Variants in B3GALT1 observed in about 807,000 individuals in gnomAD.
B3GALT1 encodes beta-1,3-galactosyltransferase 1, also known as UDP-Gal:betaGlcNAc beta 1,3-galactosyltransferase, polypeptide 1.
In B3GALT1, 10 loss-of-function variants were observed where a neutral mutation model predicts 23.2. The ratio of observed to expected loss-of-function variants is 0.43; its 90% CI spans 0.27 to 0.73. The LOEUF is 0.73. B3GALT1 is among the 30% of genes least tolerant of loss of function. B3GALT1 has a pLI of 0.21. For synonymous variants in B3GALT1, 156 were observed against 141.5 expected, an observed-to-expected ratio of 1.10 and a Z score of -0.73; for missense variants, 299 against 405.4, an observed-to-expected ratio of 0.74 and a Z score of 2.25.
chr2:167,671,394 T>G (rs1434801688), intron 3 of B3GALT1, among the ~76,000 whole-genome samples: 1 of 152,138 alleles, frequency 6.6e-6, no homozygotes, highest in Non-Finnish European at 1.5e-5. Context: ...ATTCTCCTGT[T>G]TAGATCATAT....
At chr2:167,668,979 G>C (rs1686269706) in intron 3 of B3GALT1, among the ~76,000 whole-genome samples, 2 of 152,100 alleles carry the variant, frequency 1.3e-5, no homozygotes, top group Non-Finnish European at 2.9e-5. Context: ...ATTCTCTAAT[G>C]TCACTTTCCA....
In B3GALT1 at chr2:167,310,934, A is replaced by G. The variant is rs187530277; in HGVS notation, c.-511+17600A>G. On this transcript the variant is annotated intron_variant, in intron 1 of 4. Transcript: ENST00000392690. ...CAACATTTTATATAAGGACAGTGGC[A>G]GAAACTAAGGTGCTGTGGACTGATT... Among the ~76,000 whole-genome samples, 97 of 152,214 alleles carry G rather than the reference A, an allele frequency of 6.4e-4. 2 individuals are homozygous for G. In the East Asian group the frequency reaches 0.017, roughly 26 times the overall value.
intron 1 of B3GALT1, among the ~76,000 whole-genome samples, chr2:167,432,834 C>G (rs746276526): frequency 1.3e-5 from 2 of 152,090 alleles, no homozygotes; most frequent in African/African-American, 2.4e-5. Context: ...TCCTGCATAC[C>G]CTGGTCCCCA....
At chr2:167,397,237 C>G (rs949918380) in intron 1 of B3GALT1, among the ~76,000 whole-genome samples, 1 of 151,408 alleles carries the variant, frequency 6.6e-6, no homozygotes, top group South Asian at 2.1e-4. Context: ...TCCTTTCTTC[C>G]CTCCTTTCCA....
At chr2:167,747,984 A>G (rs1687677655) in intron 3 of B3GALT1, among the ~76,000 whole-genome samples, 1 of 152,184 alleles carries the variant, frequency 6.6e-6, no homozygotes, top group East Asian at 1.9e-4. Context: ...TCCTCTTCTT[A>G]CATTTAGTAA....
At chr2:167,684,145 A>G (rs1379025832) in intron 3 of B3GALT1, among the ~76,000 whole-genome samples, 5 of 152,182 alleles carry the variant, frequency 3.3e-5, no homozygotes, top group Non-Finnish European at 5.9e-5. Context: ...CCATTTAACT[A>G]TGAGTTCTTG....
At chr2:167,469,390 A>G (rs953549664) in intron 1 of B3GALT1, among the ~76,000 whole-genome samples, 1 of 152,224 alleles carries the variant, frequency 6.6e-6, no homozygotes, top group Non-Finnish European at 1.5e-5. Context: ...CTGACACATA[A>G]GTGGTATGCA....
At chr2:167,582,808 A>G (rs1437256520) in intron 2 of B3GALT1, among the ~76,000 whole-genome samples, 1 of 152,132 alleles carries the variant, frequency 6.6e-6, no homozygotes, top group Non-Finnish European at 1.5e-5. Flanking sequence ...GATGTAATCC[A>G]CGGTTTAACC....
At chr2:167,819,866 G>T (rs1689070522) in intron 4 of B3GALT1, among the ~76,000 whole-genome samples, 1 of 152,178 alleles carries the variant, frequency 6.6e-6, no homozygotes, top group African/African-American at 2.4e-5. Flanking sequence ...ACAGCCTTTG[G>T]AGATTTCTCT....
intron 3 of B3GALT1, among the ~76,000 whole-genome samples, chr2:167,667,261 G>T (rs1686216294): frequency 6.6e-6 from 1 of 152,102 alleles, no homozygotes. Context: ...TTTTCTTTAA[G>T]AATGTTGAAT....
intron 3 of B3GALT1, among the ~76,000 whole-genome samples, chr2:167,786,066 A>G (rs1207245753): frequency 6.6e-6 from 1 of 152,214 alleles, no homozygotes; most frequent in African/African-American, 2.4e-5. Flanking sequence ...CACTATAGCT[A>G]TTAAATCAAC....
intron 2 of B3GALT1, among the ~76,000 whole-genome samples, chr2:167,558,620 C>A (rs971177617): frequency 6.6e-6 from 1 of 152,186 alleles, no homozygotes; most frequent in Non-Finnish European, 1.5e-5. Context: ...TGCGCTTTTC[C>A]GACGGGCTTA....
intron 1 of B3GALT1, among the ~76,000 whole-genome samples, chr2:167,477,139 A>G (rs1249433165): frequency 6.6e-6 from 1 of 152,200 alleles, no homozygotes; most frequent in Non-Finnish European, 1.5e-5. Context: ...ACTTATAAGC[A>G]TATGTGCTTT....
intron 2 of B3GALT1, among the ~76,000 whole-genome samples, chr2:167,631,784 T>C (rs1685452153): frequency 6.6e-6 from 1 of 150,458 alleles, no homozygotes; most frequent in African/African-American, 2.4e-5. Flanking sequence ...TTTTTTTTTT[T>C]TTTTACTTAA....
chr2:167,429,019 C>CCT (rs1698665804), intron 1 of B3GALT1, among the ~76,000 whole-genome samples: 1 of 152,108 alleles, frequency 6.6e-6, no homozygotes, highest in African/African-American at 2.4e-5. Flanking sequence ...GTGGCTCACG[C>CCT]CTGTAATCCC....
At chr2:167,517,808 G>A (rs895257207) in intron 2 of B3GALT1, among the ~76,000 whole-genome samples, 2 of 152,060 alleles carry the variant, frequency 1.3e-5, no homozygotes, top group Non-Finnish European at 2.9e-5. Context: ...CAGTGCTGGA[G>A]TTGTATGAGC....
intron 4 of B3GALT1, among the ~76,000 whole-genome samples, chr2:167,833,369 A>G (rs770413290): frequency 2.2e-4 from 34 of 152,198 alleles, no homozygotes; most frequent in Non-Finnish European, 1.9e-4. Flanking sequence ...TGAAACTCAC[A>G]GGCTAGGAAA....
chr2:167,396,534 A>ATATG (rs1227022241), intron 1 of B3GALT1, among the ~76,000 whole-genome samples: 2 of 142,154 alleles, frequency 1.4e-5, no homozygotes, highest in African/African-American at 5.4e-5. Flanking sequence ...ATATATATAT[A>ATATG]TGTGTGTGTG....
chr2:167,466,434 A>G (rs868776464), intron 1 of B3GALT1, among the ~76,000 whole-genome samples: 1 of 151,688 alleles, frequency 6.6e-6, no homozygotes, highest in Non-Finnish European at 1.5e-5. Context: ...CCTGGTCAAC[A>G]TGGTGAAACC....
Sources: allele counts gnomAD v4.1 joint callset (sites outside exome capture counted in the v4.1 genomes callset), GRCh38; gene constraint gnomAD v4.1.1; transcripts MANE v1.5; gene names NCBI Gene and HGNC (gene_info 2026-07-23, HGNC 2026-07-21).